Variants in PDGFD observed in about 807,000 individuals in gnomAD.
PDGFD encodes platelet derived growth factor D, also known as platelet-derived growth factor D.
Under a neutral mutation model 44.7 loss-of-function variants are expected in PDGFD, and 30 were observed. The ratio of observed to expected loss-of-function variants is 0.67; its 90% CI spans 0.50 to 0.91. The LOEUF (loss-of-function observed/expected upper bound fraction) is 0.91, where lower values mean the gene tolerates loss of function less well. Among genes scored for constraint, PDGFD ranks in the 40% least tolerant of loss-of-function variants. PDGFD has a pLI of 0.00. For synonymous variants in PDGFD, 173 were observed against 168.4 expected (o/e 1.03, Z -0.21); for missense variants, 445 against 457.8 (o/e 0.97, Z 0.25).
chr11:104,133,347 A>G lies in PDGFD; in HGVS notation c.124+30457T>C, dbSNP rs530578116. On this transcript the variant is annotated intron_variant, in intron 1 of 6. Coordinates refer to ENST00000393158, the MANE Select transcript of PDGFD (RefSeq NM_025208.5). ...GTTTGGCATGATTTTTATAAGTTAA[A>G]GCAGTTTTTAAATGCTGTGGGAACT... 8.5e-5 allele frequency among the ~76,000 whole-genome samples: 13 copies of G among 152,316 alleles called. No individual in the cohort carries two copies. The South Asian group carries it at 2.7e-3, about 32-fold the overall frequency.
At chr11:104,104,803 GTC>G (rs1861449513) in intron 1 of PDGFD, among the ~76,000 whole-genome samples, 1 of 152,098 alleles carries the variant, frequency 6.6e-6, no homozygotes, top group South Asian at 2.1e-4. Context: ...AAGATTCTAA[GTC>G]TCTGAATACT....
At chr11:104,136,277 T>C (rs1862002562) in intron 1 of PDGFD, among the ~76,000 whole-genome samples, 1 of 152,136 alleles carries the variant, frequency 6.6e-6, no homozygotes, top group Non-Finnish European at 1.5e-5. Context: ...CCTATAAACA[T>C]TCTAAAGAAA....
intron 6 of PDGFD, among the ~76,000 whole-genome samples, chr11:103,911,773 A>G (rs1300337957): frequency 1.3e-5 from 2 of 152,060 alleles, no homozygotes; most frequent in African/African-American, 2.4e-5. Context: ...ATCAGTGTAG[A>G]GAAGAACATA....
At chr11:104,101,973 C>G (rs1303243127) in intron 1 of PDGFD, among the ~76,000 whole-genome samples, 1 of 151,830 alleles carries the variant, frequency 6.6e-6, no homozygotes, top group African/African-American at 2.4e-5. Context: ...CCATAAAAAC[C>G]CTAGAAGAAA....
chr11:103,956,815 A>G (rs1858858477), intron 3 of PDGFD, among the ~76,000 whole-genome samples: 2 of 152,150 alleles, frequency 1.3e-5, no homozygotes, highest in African/African-American at 4.8e-5. Flanking sequence ...ATGGCCAGTG[A>G]TGGTGAACAT....
At chr11:103,989,322 C>T (rs1859416764) in intron 3 of PDGFD, among the ~76,000 whole-genome samples, 1 of 152,214 alleles carries the variant, frequency 6.6e-6, no homozygotes, top group South Asian at 2.1e-4. Flanking sequence ...TAATATCCTG[C>T]AACAGCAAGA....
chr11:104,096,743 T>C (rs575635400), intron 1 of PDGFD, among the ~76,000 whole-genome samples: 1 of 152,294 alleles, frequency 6.6e-6, no homozygotes, highest in South Asian at 2.1e-4. Flanking sequence ...TATTTGTAAC[T>C]AGGCACACAA....
intron 1 of PDGFD, among the ~76,000 whole-genome samples, chr11:104,107,183 G>A (rs1861483078): frequency 6.6e-6 from 1 of 152,170 alleles, no homozygotes; most frequent in Admixed American, 6.6e-5. Flanking sequence ...CATCAGAAGG[G>A]AGATTATCCC....
In PDGFD at chr11:104,010,621, C is replaced by T. The variant is rs116840042; in HGVS notation, c.125-10366G>A. Reference sequence around the variant, plus strand: ...TTAACTTTCTGAAATGACTTTTGGTCTAATTTTTAGAATATTTGAATCTGG... The same window carrying T: ...TTAACTTTCTGAAATGACTTTTGGTTTAATTTTTAGAATATTTGAATCTGG... On this transcript the variant is annotated intron_variant, in intron 1 of 6. Transcript: ENST00000393158. 6.2e-3 allele frequency among the ~76,000 whole-genome samples: 947 copies of T among 151,996 alleles called. 15 individuals carry two copies. The highest frequency in any genetic ancestry group is 0.021 in the African/African-American group (890 of 41,480).
chr11:103,927,065 C>G lies in PDGFD; in HGVS notation c.834G>C (p.Ser278=). 2 of 1,614,090 alleles carry G rather than the reference C, an allele frequency of 1.2e-6. No homozygotes were observed. The highest frequency in any genetic ancestry group is 1.7e-6 in the Non-Finnish European group (2 of 1,180,002). The change falls in exon 6 of 7, where the codon TCG becomes TCC. Residue 278 remains serine (S), a synonymous_variant. Transcript: ENST00000393158. ...KRYSCTPRNY[S]VNIREELKLA... is the part of the protein sequence containing the mutation. Reference sequence around the variant, plus strand: ...ACTTCAGCTCTTCTCTTATATTGACCGAGTAATTCCTGGGAGTGCAACTGT... The same window carrying G: ...ACTTCAGCTCTTCTCTTATATTGACGGAGTAATTCCTGGGAGTGCAACTGT...
chr11:103,944,854 G>A (rs1591087854), intron 4 of PDGFD, among the ~76,000 whole-genome samples: 1 of 152,258 alleles, frequency 6.6e-6, no homozygotes, highest in East Asian at 1.9e-4. Flanking sequence ...TATAACTCAG[G>A]AGCAGTTTTC....
intron 1 of PDGFD, among the ~76,000 whole-genome samples, chr11:104,010,697 AT>A (rs1859771847): frequency 6.6e-6 from 1 of 152,104 alleles, no homozygotes; most frequent in African/African-American, 2.4e-5. Flanking sequence ...ATTCATATTA[AT>A]TAATTCTCTG....
chr11:104,109,765 CATT>C (rs1037607680), intron 1 of PDGFD, among the ~76,000 whole-genome samples: 17 of 151,960 alleles, frequency 1.1e-4, no homozygotes, highest in African/African-American at 3.6e-4. Flanking sequence ...TAAGATACAT[CATT>C]AAGTTAAAAA....
chr11:104,109,733 T>C (rs2134451865), intron 1 of PDGFD, among the ~76,000 whole-genome samples: 1 of 152,174 alleles, frequency 6.6e-6, no homozygotes, highest in East Asian at 1.9e-4. Context: ...TATGGTTATA[T>C]AGAAAGCCAC....
At chr11:104,137,986 A>G (rs891613290) in intron 1 of PDGFD, among the ~76,000 whole-genome samples, 13 of 152,128 alleles carry the variant, frequency 8.5e-5, no homozygotes, top group African/African-American at 3.1e-4. Flanking sequence ...TCTGCAGCAG[A>G]AAATGAGTTA....
At chr11:104,015,293 T>C (rs1016902418) in intron 1 of PDGFD, among the ~76,000 whole-genome samples, 1 of 152,220 alleles carries the variant, frequency 6.6e-6, no homozygotes, top group Admixed American at 6.5e-5. Flanking sequence ...AGCCAGCAAT[T>C]GAAACAAGAT....
intron 1 of PDGFD, among the ~76,000 whole-genome samples, chr11:104,155,510 A>G (rs1246853700): frequency 6.6e-6 from 1 of 152,190 alleles, no homozygotes; most frequent in African/African-American, 2.4e-5. Context: ...TAGTGTGAAT[A>G]ACTCAAACCA....
At chr11:104,052,609 T>C (rs1860559576) in intron 1 of PDGFD, among the ~76,000 whole-genome samples, 1 of 152,164 alleles carries the variant, frequency 6.6e-6, no homozygotes, top group Non-Finnish European at 1.5e-5. Context: ...GGGGTATTTT[T>C]TGGCGTGTGT....
At chr11:104,009,381 G>A (rs939212723) in intron 1 of PDGFD, among the ~76,000 whole-genome samples, 2 of 151,842 alleles carry the variant, frequency 1.3e-5, no homozygotes, top group Non-Finnish European at 2.9e-5. Context: ...AATTTAGAGT[G>A]GCAAGCTCAG....
Sources: allele counts gnomAD v4.1 joint callset (sites outside exome capture counted in the v4.1 genomes callset), GRCh38; gene constraint gnomAD v4.1.1; transcripts MANE v1.5; gene names NCBI Gene and HGNC (gene_info 2026-07-23, HGNC 2026-07-21).